Variants in TMEFF2 observed in about 807,000 individuals in gnomAD.
The protein encoded by TMEFF2 is transmembrane protein with EGF like and two follistatin like domains 2.
A neutral mutation model predicts 53.8 loss-of-function variants in TMEFF2; 28 were observed. The ratio of observed to expected loss-of-function variants is 0.52; its 90% CI spans 0.39 to 0.71. The LOEUF (loss-of-function observed/expected upper bound fraction) is 0.71, where lower values mean the gene tolerates loss of function less well. Among genes scored for constraint, TMEFF2 ranks in the 30% least tolerant of loss-of-function variants. The probability of loss-of-function intolerance (pLI) is 0.00; values close to 1 mark genes in which losing one functional copy is unlikely to be tolerated. For missense variants in TMEFF2, 353 were observed against 455.2 expected, an observed-to-expected ratio of 0.78 and a Z score of 2.04; for synonymous variants, 162 against 166.3, an observed-to-expected ratio of 0.97 and a Z score of 0.20.
intron 1 of TMEFF2, 38 bp from the exon 2 acceptor site, chr2:192,192,027 C>T: frequency 7.1e-7 from 1 of 1,406,378 alleles, no homozygotes; most frequent in Non-Finnish European, 1.0e-6. Context: ...ATTAAAACAT[C>T]TTACAGATTT....
At chr2:191,964,410 T>TTC (rs1481846947) in intron 7 of TMEFF2, among the ~76,000 whole-genome samples, 11,047 of 109,348 alleles carry the variant, frequency 0.1, 567 homozygotes, top group African/African-American at 0.11. Flanking sequence ...CTTTCTTTCT[T>TTC]TCTTTCTTTC....
intron 5 of TMEFF2, among the ~76,000 whole-genome samples, chr2:192,037,370 GT>G (rs1025794662): frequency 6.7e-6 from 1 of 150,286 alleles, no homozygotes; most frequent in East Asian, 2.0e-4. Context: ...TCTCACTTAA[GT>G]TTTTTTTCTT....
At chr2:192,113,289 T>G (rs1384424987) in intron 4 of TMEFF2, among the ~76,000 whole-genome samples, 1 of 152,188 alleles carries the variant, frequency 6.6e-6, no homozygotes, top group East Asian at 1.9e-4. Flanking sequence ...GATTAATAAT[T>G]GGGCAGGTTG....
chr2:191,957,786 A>G (rs960394217), intron 7 of TMEFF2, among the ~76,000 whole-genome samples: 1 of 152,206 alleles, frequency 6.6e-6, no homozygotes, highest in African/African-American at 2.4e-5. Flanking sequence ...TGACATTTAA[A>G]TCATTAGTTT....
intron 7 of TMEFF2, among the ~76,000 whole-genome samples, chr2:191,961,704 A>G (rs1192003099): frequency 6.6e-6 from 1 of 152,018 alleles, no homozygotes; most frequent in Non-Finnish European, 1.5e-5. Flanking sequence ...TACAGTTCTT[A>G]TGATTTCCTC....
intron 4 of TMEFF2, among the ~76,000 whole-genome samples, chr2:192,136,518 T>G (rs188634406): frequency 5.6e-4 from 86 of 152,290 alleles, no homozygotes; most frequent in African/African-American, 2.0e-3. Flanking sequence ...TTTCCTATAT[T>G]AGGTGATGTT....
At chr2:192,070,498 G>A (rs1402550185) in intron 4 of TMEFF2, among the ~76,000 whole-genome samples, 1 of 151,854 alleles carries the variant, frequency 6.6e-6, no homozygotes, top group Non-Finnish European at 1.5e-5. Flanking sequence ...TAGTTCAAAG[G>A]CTTTAAGGAT....
At chr2:191,968,860 C>T (rs895194754) in intron 7 of TMEFF2, among the ~76,000 whole-genome samples, 6 of 151,952 alleles carry the variant, frequency 3.9e-5, no homozygotes, top group Non-Finnish European at 8.8e-5. Context: ...ATGGCATCTC[C>T]AAATTTTTAA....
intron 4 of TMEFF2, among the ~76,000 whole-genome samples, chr2:192,078,452 C>T (rs1688482488): frequency 6.6e-6 from 1 of 152,112 alleles, no homozygotes; most frequent in African/African-American, 2.4e-5. Flanking sequence ...TCTTGTGTTC[C>T]TTTTCCTCAG....
intron 4 of TMEFF2, among the ~76,000 whole-genome samples, chr2:192,155,336 C>T (rs1690482833): frequency 1.3e-5 from 2 of 151,896 alleles, no homozygotes; most frequent in Non-Finnish European, 2.9e-5. Flanking sequence ...GGAACTATGT[C>T]TATCTGGGAA....
At chr2:192,060,258 C>T (rs974251149) in intron 4 of TMEFF2, among the ~76,000 whole-genome samples, 3 of 152,104 alleles carry the variant, frequency 2.0e-5, no homozygotes, top group Admixed American at 6.5e-5. Flanking sequence ...ACAGGAAGCA[C>T]CTAGAGGTTT....
At chr2:191,982,576 C>T (rs1384979268) in intron 7 of TMEFF2, among the ~76,000 whole-genome samples, 1 of 149,174 alleles carries the variant, frequency 6.7e-6, no homozygotes, top group Non-Finnish European at 1.5e-5. Context: ...ATGTAAAATA[C>T]AAATGTTAAA....
intron 4 of TMEFF2, among the ~76,000 whole-genome samples, chr2:192,122,033 T>G (rs893883031): frequency 6.6e-6 from 1 of 152,174 alleles, no homozygotes; most frequent in African/African-American, 2.4e-5. Flanking sequence ...TTAAAATAGC[T>G]GGAAGAGAGA....
At chr2:192,148,660 T>C (rs1055716737) in intron 4 of TMEFF2, among the ~76,000 whole-genome samples, 1 of 152,000 alleles carries the variant, frequency 6.6e-6, no homozygotes, top group Non-Finnish European at 1.5e-5. Flanking sequence ...AAGGACACAT[T>C]TTAAATTTGT....
intron 7 of TMEFF2, among the ~76,000 whole-genome samples, chr2:191,982,189 G>A (rs1685868114): frequency 6.6e-6 from 1 of 152,004 alleles, no homozygotes; most frequent in Non-Finnish European, 1.5e-5. Flanking sequence ...CAAGGACTGA[G>A]CACTTCAGTC....
intron 4 of TMEFF2, among the ~76,000 whole-genome samples, chr2:192,077,209 G>C (rs1040223235): frequency 2.0e-5 from 3 of 152,068 alleles, no homozygotes; most frequent in South Asian, 4.1e-4. Context: ...AGCTTCTCAG[G>C]CATTTATTAC....
intron 5 of TMEFF2, among the ~76,000 whole-genome samples, chr2:192,051,581 A>G (rs1447945933): frequency 6.6e-6 from 1 of 152,190 alleles, no homozygotes; most frequent in Non-Finnish European, 1.5e-5. Flanking sequence ...TATCAAACTC[A>G]CAAACCAAAG....
chr2:191,964,396 TTC>T (rs200174113), intron 7 of TMEFF2, among the ~76,000 whole-genome samples: 14,677 of 54,290 alleles, frequency 0.27, 1,352 homozygotes, highest in East Asian at 0.34. Flanking sequence ...CTTTCTTTCT[TTC>T]TCTTTCTTTC....
chr2:192,062,968 G>GT (rs58620145), intron 4 of TMEFF2, among the ~76,000 whole-genome samples: 4,485 of 151,030 alleles, frequency 0.03, 194 homozygotes, highest in African/African-American at 0.1. Context: ...GTCCGGGAGT[G>GT]TTTTTTTTTT....
Sources: gnomAD v4.1 joint callset for allele counts (sites outside exome capture counted in the v4.1 genomes callset) on GRCh38, gnomAD v4.1.1 for gene constraint, MANE v1.5 for transcripts, NCBI Gene and HGNC (gene_info 2026-07-23, HGNC 2026-07-21) for gene names.